The following SRPK2 variants were observed in gnomAD, a reference collection of about 807,000 sequenced individuals.
The protein encoded by SRPK2 is SRSF protein kinase 2.
A neutral mutation model predicts 90.8 loss-of-function variants in SRPK2; 21 were observed. That is an observed-to-expected ratio of 0.23 (90% confidence interval 0.16 to 0.33). The LOEUF (loss-of-function observed/expected upper bound fraction) is 0.33, where lower values mean the gene tolerates loss of function less well. Ranked by LOEUF, SRPK2 falls within the 10% of genes least tolerant of loss-of-function variation. The pLI is 1.00. For synonymous variants in SRPK2, 288 were observed against 311.1 expected, an observed-to-expected ratio of 0.93 and a Z score of 0.78; for missense variants, 620 against 869.0, an observed-to-expected ratio of 0.71 and a Z score of 3.60.
chr7:105,300,370 T>C (rs1029929448), intron 2 of SRPK2, among the ~76,000 whole-genome samples: 1 of 151,986 alleles, frequency 6.6e-6, no homozygotes, highest in Non-Finnish European at 1.5e-5. Flanking sequence ...TGGGATATAC[T>C]AATATTTCAA....
At chr7:105,210,862 G>T (rs907431596) in intron 2 of SRPK2, among the ~76,000 whole-genome samples, 1 of 152,206 alleles carries the variant, frequency 6.6e-6, no homozygotes, top group African/African-American at 2.4e-5. Context: ...AGAGAGCAAA[G>T]AACTGCCAGT....
rs189641485 is a variant in SRPK2 at position 105,161,557 on chromosome 7, C to T, written c.515-944G>A. On this transcript the variant is annotated intron_variant, in intron 6 of 15. Coordinates refer to ENST00000393651, the MANE Select transcript of SRPK2 (RefSeq NM_182692.3). ...AGTGCCAGGTGGCTGAGCCACTACT[C>T]AAGCCTACACTGAGCTGCACTCTCA... is the stretch of plus-strand genomic sequence containing the variant. 3.2e-4 allele frequency among the ~76,000 whole-genome samples: 48 copies of T among 152,126 alleles called. No homozygotes were observed. In the East Asian group the frequency reaches 8.8e-3, roughly 28 times the overall value.
intron 3 of SRPK2, among the ~76,000 whole-genome samples, chr7:105,191,863 T>TA (rs138140612): frequency 0.41 from 59,974 of 147,482 alleles, 13,725 homozygotes; most frequent in Non-Finnish European, 0.52. Context: ...TATCCTTTTG[T>TA]AAAAAAAAAC....
chr7:105,215,165 C>G (rs1197405138), intron 2 of SRPK2, among the ~76,000 whole-genome samples: 1 of 152,080 alleles, frequency 6.6e-6, no homozygotes, highest in Non-Finnish European at 1.5e-5. Flanking sequence ...ATTCTTACCT[C>G]CCACCATACA....
intron 2 of SRPK2, among the ~76,000 whole-genome samples, chr7:105,281,811 G>C (rs191162360): frequency 1.9e-4 from 29 of 152,180 alleles, no homozygotes; most frequent in Admixed American, 7.2e-4. Flanking sequence ...AGAAATGAAA[G>C]ACCTGAATAA....
upstream of SRPK2, chr7:105,389,541 C>G (rs552698195): frequency 9.5e-6 from 6 of 632,042 alleles, no homozygotes; most frequent in South Asian, 1.6e-4. Context: ...AGATAGCATT[C>G]AAGGTAGGAC....
chr7:105,314,526 G>A (rs1646726878), intron 2 of SRPK2, among the ~76,000 whole-genome samples: 1 of 152,090 alleles, frequency 6.6e-6, no homozygotes, highest in Admixed American at 6.5e-5. Flanking sequence ...TGGGACTACA[G>A]GTGTGCACCA....
Position 105,126,288 on chromosome 7 carries a change from A to G in SRPK2, c.1875T>C (p.Ala625=), listed in dbSNP as rs1801193011. 6.2e-7 allele frequency: 1 copy of G among 1,614,148 alleles called. No homozygotes were observed. Among genetic ancestry groups the G allele is most frequent in the Non-Finnish European group, 8.5e-7 (1 of 1,180,002 alleles). Residue 625 remains alanine, a synonymous_variant, in exon 15 of 16, where the codon GCT becomes GCC. Transcript: ENST00000393651. ...ATTCCCGAGAATATTTTCCAGATAGAGCAAAGTGCCTTGGAATACTGCCTA... is the reference window on the plus strand; with the variant it reads ...ATTCCCGAGAATATTTTCCAGATAGGGCAAAGTGCCTTGGAATACTGCCTA... The part of the protein sequence containing the change: ...ELLGSIPRHF[A]LSGKYSREFF...
chr7:105,361,730 T>C (rs561059299), intron 2 of SRPK2, among the ~76,000 whole-genome samples: 1 of 152,284 alleles, frequency 6.6e-6, no homozygotes, highest in South Asian at 2.1e-4. Flanking sequence ...GGGGAAAGCA[T>C]TCCCCATTTA....
At chr7:105,324,712 C>A (rs1208976688) in intron 2 of SRPK2, among the ~76,000 whole-genome samples, 1 of 152,048 alleles carries the variant, frequency 6.6e-6, no homozygotes, top group African/African-American at 2.4e-5. Context: ...CATGGCAAAA[C>A]CCCGTCTCTA....
At chr7:105,314,738 A>G (rs1812126339) in intron 2 of SRPK2, among the ~76,000 whole-genome samples, 1 of 152,240 alleles carries the variant, frequency 6.6e-6, no homozygotes, top group Non-Finnish European at 1.5e-5. Flanking sequence ...CTAGAAGTTA[A>G]TGTTCTAGAA....
chr7:105,340,708 T>C (rs1254866159), intron 2 of SRPK2, among the ~76,000 whole-genome samples: 1 of 152,176 alleles, frequency 6.6e-6, no homozygotes, highest in Non-Finnish European at 1.5e-5. Context: ...CTTCCCAAAA[T>C]GCTGTGATTA....
intron 2 of SRPK2, among the ~76,000 whole-genome samples, chr7:105,285,724 C>G (rs148965361): frequency 5.8e-4 from 88 of 152,282 alleles, no homozygotes; most frequent in South Asian, 4.4e-3. Context: ...GCTCTTACCA[C>G]GCAACCCATC....
intron 7 of SRPK2, among the ~76,000 whole-genome samples, chr7:105,147,342 G>A (rs1804793201): frequency 6.6e-6 from 1 of 152,040 alleles, no homozygotes; most frequent in Admixed American, 6.6e-5. Context: ...TTTTGAGACA[G>A]AGTCTCGCTC....
At chr7:105,170,969 GAAAGAA>G (rs1791004403) in intron 3 of SRPK2, among the ~76,000 whole-genome samples, 1 of 51,120 alleles carries the variant, frequency 2.0e-5, no homozygotes, top group African/African-American at 8.6e-5. Context: ...GAAAGAAAGA[GAAAGAA>G]AGAGAAAGAA....
chr7:105,140,885 C>T (rs1037491894), intron 11 of SRPK2, among the ~76,000 whole-genome samples: 6 of 151,752 alleles, frequency 4.0e-5, no homozygotes, highest in Admixed American at 2.0e-4. Flanking sequence ...CGCTTGAACC[C>T]GGGAGGCAGA....
At chr7:105,185,800 T>C (rs1359410346) in intron 3 of SRPK2, among the ~76,000 whole-genome samples, 2 of 152,202 alleles carry the variant, frequency 1.3e-5, no homozygotes. Flanking sequence ...GTCTAACTCA[T>C]GCACCAACTT....
intron 2 of SRPK2, among the ~76,000 whole-genome samples, chr7:105,383,053 ATTTTTTTTTTTTT>A (rs1161926443): frequency 9.8e-6 from 1 of 101,666 alleles, no homozygotes; most frequent in African/African-American, 3.6e-5. Flanking sequence ...AAAAGTAAAA[ATTTTTTTTTTTTT>A]TTTTTTTTTT....
At chr7:105,143,800 A>G (rs1167404896) in intron 9 of SRPK2, 2 of 160,820 alleles carry the variant, frequency 1.2e-5, no homozygotes, top group Non-Finnish European at 2.7e-5. Context: ...GACAACATGA[A>G]CTGTAAGAGA....
Sources: allele counts gnomAD v4.1 joint callset (sites outside exome capture counted in the v4.1 genomes callset), GRCh38; gene constraint gnomAD v4.1.1; transcripts MANE v1.5; gene names NCBI Gene and HGNC (gene_info 2026-07-23, HGNC 2026-07-21).